The following MTMR11 variants were observed in gnomAD, a reference collection of about 807,000 sequenced individuals.
MTMR11 encodes myotubularin-related protein 11.
A neutral mutation model predicts 100.0 loss-of-function variants in MTMR11; 89 were observed. The observed-to-expected ratio is 0.89, with a 90% confidence interval of 0.75 to 1.06. MTMR11 has a LOEUF of 1.06. Ranked by LOEUF, MTMR11 falls within the 50% of genes least tolerant of loss-of-function variation. The pLI, the probability that MTMR11 is intolerant of heterozygous loss-of-function variation, is 0.00. For synonymous variants in MTMR11, 336 were observed against 326.3 expected, an observed-to-expected ratio of 1.03 and a Z score of -0.32; for missense variants, 809 against 873.7, an observed-to-expected ratio of 0.93 and a Z score of 0.93.
rs782240807 is a variant in MTMR11, at chr1:149,930,924, G to A, written c.1332C>T (p.Leu444=). 6.2e-7 allele frequency: 1 copy of A among 1,612,394 alleles called. No homozygotes were observed. Reference sequence around the variant, plus strand: ...CAAAATCAGCTGGAAACTGCTGGAGGAGCTGCCAGACACAATCAAGGAAGA... The same window carrying A: ...CAAAATCAGCTGGAAACTGCTGGAGAAGCTGCCAGACACAATCAAGGAAGA... The part of the protein sequence containing the change: ...FLLFLDCVWQ[L]LQQFPADFEF... Residue 444 remains leucine, a synonymous_variant, in exon 14 of 17, where the codon CTC becomes CTT. Coordinates refer to ENST00000439741, the MANE Select transcript of MTMR11 (RefSeq NM_001145862.2).
intron 15 of MTMR11, 70 bp downstream of exon 15, chr1:149,930,295 C>T (rs958209684): frequency 5.5e-6 from 8 of 1,444,606 alleles, no homozygotes; most frequent in African/African-American, 1.4e-5. Context: ...TTTTGTCTTT[C>T]ACTTCTCACT....
chr1:149,930,004 C>T (rs917758419), intron 15 of MTMR11, 88 bp from the exon 16 acceptor site: 2 of 1,327,764 alleles, frequency 1.5e-6, no homozygotes, highest in Non-Finnish European at 2.1e-6. Context: ...GTCCTGCTGC[C>T]ACCCACTCAC....
Position 149,929,276 on chromosome 1 carries a change from C to T in MTMR11, c.1983G>A (p.Glu661=). Residue 661 remains glutamate (E), a synonymous_variant, in exon 17 of 17, where the codon GAG becomes GAA. Transcript: ENST00000439741. ...GTAATAACTCCTGAAGATGGGATAG[C>T]TCATCCTGGAGGCCAGAGATTGTGG... ...SAPTISGLQD[E]LSHLQELLRK... is the part of the protein sequence containing the mutation. 1 of 1,614,100 alleles carries T rather than the reference C, an allele frequency of 6.2e-7. No individual in the cohort carries two copies. The highest frequency in any genetic ancestry group is 8.5e-7 in the Non-Finnish European group (1 of 1,179,998).
At position 149,933,510 on chromosome 1, in the gene MTMR11, T is replaced by G; in HGVS notation, c.881A>C (p.Gln294Pro). Reference protein sequence around the residue: ...EDIRAVELMLQAGHSDVVLVD... With the variant: ...EDIRAVELMLPAGHSDVVLVD... Reference sequence around the variant, plus strand: ...CAGGACAACATCTGAATGCCCAGCCTGGAGCATCAACTCCACTGCTCTGGA... The same window carrying G: ...CAGGACAACATCTGAATGCCCAGCCGGGAGCATCAACTCCACTGCTCTGGA... Residue 294 changes from glutamine to proline, a missense_variant, in exon 10 of 17, where the codon CAG becomes CCG. By Grantham distance (76) the Gln-to-Pro change is moderately conservative. Transcript: ENST00000439741. 1 of 1,614,114 alleles carries G rather than the reference T, an allele frequency of 6.2e-7. No homozygotes were observed.
chr1:149,930,906 A>G lies in MTMR11; in HGVS notation c.1350T>C (p.Ala450=), dbSNP rs1553767427. Reference sequence around the variant, plus strand: ...GGAAAAACTCAGAGAATTCAAAATCAGCTGGAAACTGCTGGAGGAGCTGCC... The same window carrying G: ...GGAAAAACTCAGAGAATTCAAAATCGGCTGGAAACTGCTGGAGGAGCTGCC... ...CVWQLLQQFP[A]DFEFSEFFLL... Residue 450 remains alanine, a synonymous_variant, in exon 14 of 17, where the codon GCT becomes GCC. Transcript: ENST00000439741. 1.2e-6 allele frequency: 2 copies of G among 1,613,402 alleles called. No homozygotes were observed. The highest frequency in any genetic ancestry group is 1.7e-6 in the Non-Finnish European group (2 of 1,179,720).
intron 13 of MTMR11, 47 bp from the exon 14 acceptor site, chr1:149,931,012 G>A (rs782786741): frequency 2.0e-6 from 3 of 1,521,856 alleles, no homozygotes; most frequent in Non-Finnish European, 1.8e-6. Flanking sequence ...GACCCAAAGA[G>A]GGAGGATGAC....
Position 149,929,669 on chromosome 1 carries a change from A to T in MTMR11, c.1895T>A (p.Ile632Asn). 6.2e-7 allele frequency: 1 copy of T among 1,613,922 alleles called. No individual in the cohort carries two copies. Among genetic ancestry groups the T allele is most frequent in the Non-Finnish European group, 8.5e-7 (1 of 1,179,986 alleles). The change falls in exon 16 of 17, where the codon ATC becomes AAC. Residue 632 changes from isoleucine to asparagine, a missense_variant. Physicochemically the swap from Ile to Asn is moderately radical, Grantham distance 149. Transcript: ENST00000439741. ...LLLPGYLGPQIRLWRRCYLRG... is the reference protein window; with the variant it reads ...LLLPGYLGPQNRLWRRCYLRG... ...CAGGTAGCAGCGTCTCCAGAGCCTG[A>T]TCTGGGGTCCCAGATACCCAGGCAG... is the stretch of plus-strand genomic sequence containing the variant.
chr1:149,929,870 G>C lies in MTMR11; in HGVS notation c.1694C>G (p.Ser565Cys), dbSNP rs782617191. 1.9e-6 allele frequency: 3 copies of C among 1,614,154 alleles called. No individual in the cohort carries two copies. Among genetic ancestry groups the C allele is most frequent in the Non-Finnish European group, 2.5e-6 (3 of 1,180,004 alleles). Residue 565 changes from serine to cysteine, a missense_variant, in exon 16 of 17, where the codon TCT (serine) becomes TGT (cysteine). Transcript: ENST00000439741. ...ATTCAGGGGGGTCAATGCTCCTCTAGAGAAGAGCCACACAGAACTGGGGGG... is the reference window on the plus strand; with the variant it reads ...ATTCAGGGGGGTCAATGCTCCTCTACAGAAGAGCCACACAGAACTGGGGGG... ...PGPPSSVWLF[S>C]RGALTPLNQL... is the part of the protein sequence containing the mutation.
In MTMR11 at chr1:149,932,214, G is replaced by T. The variant is rs1488969509; in HGVS notation, c.1052+50C>A. Reference sequence around the variant, plus strand: ...ATTTAGGACCCCAAGTTAACAGAAGGTTGAGGAAGGTTGAATTATAAATGA... The same window carrying T: ...ATTTAGGACCCCAAGTTAACAGAAGTTTGAGGAAGGTTGAATTATAAATGA... On this transcript the variant is annotated intron_variant, in intron 11 of 16. Coordinates refer to ENST00000439741, the MANE Select transcript of MTMR11 (RefSeq NM_001145862.2). The T allele has an allele frequency of 5.1e-6, 8 of 1,576,350 alleles. No homozygotes were observed. The East Asian group carries it at 1.8e-4, about 35-fold the overall frequency.
Position 149,929,878 on chromosome 1 carries a change from C to T in MTMR11, c.1686G>A (p.Trp562Ter). ...GGGTCAATGCTCCTCTAGAGAAGAG[C>T]CACACAGAACTGGGGGGTCCAGGAA... The part of the protein sequence containing the change: ...FMVPGPPSSV[W>*]LFSRGALTPL... Residue 562 changes from tryptophan (W) to a stop codon, truncating the protein, a stop_gained, in exon 16 of 17, where the codon TGG becomes TGA. Transcript: ENST00000439741. LOFTEE classifies it high-confidence loss of function. 1.9e-6 allele frequency: 3 copies of T among 1,614,062 alleles called. No individual in the cohort carries two copies. Among genetic ancestry groups the T allele is most frequent in the African/African-American group, 2.7e-5 (2 of 75,016 alleles).
In MTMR11 at chr1:149,930,842, G is replaced by C; in HGVS notation, c.1414C>G (p.Leu472Val). 2 of 1,608,186 alleles carry C rather than the reference G, an allele frequency of 1.2e-6. No homozygotes were observed. Among genetic ancestry groups the C allele is most frequent in the Non-Finnish European group, 1.7e-6 (2 of 1,177,824 alleles). The change falls in exon 14 of 17, where the codon CTT becomes GTT. Residue 472 changes from leucine to valine, a missense_variant. By Grantham distance (32) the Leu-to-Val change is conservative (BLOSUM62 1). Transcript: ENST00000439741. ...LHDSVRVPDT[L>V]TFLRNTPWER... The stretch of plus-strand genomic sequence containing the variant: ...CAGGGGGTATTTCTCAGGAAGGTAA[G>C]GGTGTCAGGAACCCTGACACTGTCA...
At chr1:149,930,156 C>A in intron 15 of MTMR11, 1 of 681,882 alleles carries the variant, frequency 1.5e-6, no homozygotes, top group Non-Finnish European at 2.4e-6. Flanking sequence ...AGTAAACAGA[C>A]TTGAGGAAGG....
At chr1:149,933,779 A>G in intron 8 of MTMR11, 76 bp downstream of exon 8, 3 of 1,607,660 alleles carry the variant, frequency 1.9e-6, no homozygotes, top group South Asian at 1.1e-5. Context: ...GACCTCACAG[A>G]GGTTCCTCCC....
chr1:149,934,112 G>T, intron 7 of MTMR11, 79 bp downstream of exon 7: 1 of 1,597,844 alleles, frequency 6.3e-7, no homozygotes, highest in Admixed American at 1.7e-5. Context: ...GGAGTTTGTG[G>T]GAAGTCCTAG....
At chr1:149,934,077 A>C in intron 7 of MTMR11, 114 bp downstream of exon 7, 1 of 1,561,872 alleles carries the variant, frequency 6.4e-7, no homozygotes, top group Non-Finnish European at 8.8e-7. Context: ...CAAGGGAGAT[A>C]GCTTTGTGGG....
chr1:149,934,110 TG>T, intron 7 of MTMR11, 80 bp downstream of exon 7: 2 of 1,597,832 alleles, frequency 1.3e-6, no homozygotes, highest in Non-Finnish European at 1.7e-6. Context: ...CTGGAGTTTG[TG>T]GGAAGTCCTA....
chr1:149,934,419 C>A, intron 6 of MTMR11, 29 bp downstream of exon 6: 1 of 1,613,894 alleles, frequency 6.2e-7, no homozygotes, highest in Non-Finnish European at 8.5e-7. Flanking sequence ...TTTTCAGACT[C>A]TTCCTTACCC....
intron 15 of MTMR11, 152 bp downstream of exon 15, chr1:149,930,213 G>T: frequency 1.2e-6 from 1 of 833,792 alleles, no homozygotes; most frequent in East Asian, 2.5e-5. Context: ...TGTCTTCCTA[G>T]GGACACCCAG....
chr1:149,936,251 G>C (rs782255183), intron 1 of MTMR11, 22 bp from the exon 2 acceptor site: 2 of 1,613,628 alleles, frequency 1.2e-6, no homozygotes, highest in South Asian at 2.2e-5. Flanking sequence ...AGGGTTGAGG[G>C]GGGTCTAGAG....
Sources: allele counts gnomAD v4.1 joint callset, GRCh38; gene constraint gnomAD v4.1.1; transcripts MANE v1.5; gene names NCBI Gene and HGNC (gene_info 2026-07-23, HGNC 2026-07-21).